FAM117B: variants seen among roughly 807,000 people sequenced by gnomAD.
The protein encoded by FAM117B is family with sequence similarity 117 member B.
A neutral mutation model predicts 52.8 loss-of-function variants in FAM117B; 22 were observed. The observed-to-expected ratio is 0.42, with a 90% confidence interval of 0.30 to 0.59. The LOEUF (loss-of-function observed/expected upper bound fraction) is 0.59, where lower values mean the gene tolerates loss of function less well. Ranked by LOEUF, FAM117B falls within the 20% of genes least tolerant of loss-of-function variation. FAM117B has a pLI of 0.22. For missense variants in FAM117B, 678 were observed against 802.6 expected (o/e 0.84, Z 1.88); for synonymous variants, 309 against 324.1 (o/e 0.95, Z 0.50).
At position 202,755,605 on chromosome 2, in the gene FAM117B, G is replaced by A. The variant is rs774669794; in HGVS notation, c.1028G>A (p.Arg343Gln). The A allele has an allele frequency of 3.7e-6, 6 of 1,614,018 alleles. No individual in the cohort carries two copies. The highest frequency in any genetic ancestry group is 4.2e-6 in the Non-Finnish European group (5 of 1,179,964). Residue 343 changes from arginine (R) to glutamine (Q), a missense_variant, in exon 5 of 8, where the codon CGG becomes CAG. By Grantham distance (43) the Arg-to-Gln change is conservative. Transcript: ENST00000392238. ...ACCAAATCAACAGGCTCCCGGTTCC[G>A]GAATAGCGTGGAAGGATTGAATCAG... ...PITKSTGSRF[R>Q]NSVEGLNQEI...
intron 1 of FAM117B, among the ~76,000 whole-genome samples, chr2:202,640,018 C>T (rs1204635412): frequency 6.6e-6 from 1 of 151,588 alleles, no homozygotes; most frequent in African/African-American, 2.4e-5. Context: ...ACCTGTAATC[C>T]CAGCATTTTG....
At chr2:202,671,566 C>T (rs1341009794) in intron 1 of FAM117B, among the ~76,000 whole-genome samples, 1 of 152,182 alleles carries the variant, frequency 6.6e-6, no homozygotes, top group Non-Finnish European at 1.5e-5. Flanking sequence ...GTCTGGAGAA[C>T]TGTTCATAGA....
At chr2:202,762,241 G>T (rs1424923536) in intron 7 of FAM117B, among the ~76,000 whole-genome samples, 4 of 152,094 alleles carry the variant, frequency 2.6e-5, no homozygotes, top group Non-Finnish European at 4.4e-5. Flanking sequence ...TGAACTGGGG[G>T]GTCGGGATGG....
chr2:202,750,645 C>T (rs1691707594), intron 4 of FAM117B, among the ~76,000 whole-genome samples: 1 of 152,172 alleles, frequency 6.6e-6, no homozygotes, highest in Non-Finnish European at 1.5e-5. Flanking sequence ...CCTTGTTGAA[C>T]AAGCATCTTA....
At chr2:202,724,475 C>A (rs773122286) in intron 2 of FAM117B, among the ~76,000 whole-genome samples, 4 of 152,158 alleles carry the variant, frequency 2.6e-5, no homozygotes, top group Non-Finnish European at 5.9e-5. Context: ...CCTTAGGCAA[C>A]TTACATGTGT....
rs1481718384 is a variant in FAM117B at position 202,767,775 on chromosome 2, A to C, written c.*2011A>C. ...CCTGTTGAGTTTAAATTCGAGATGC[A>C]TTTAGGTAAATTGGATAAATTCAAC... On this transcript the variant is annotated 3_prime_UTR_variant, in exon 8 of 8. Transcript: ENST00000392238. 1 of 152,208 alleles carries C rather than the reference A, an allele frequency of 6.6e-6. No homozygotes were observed. The highest frequency in any genetic ancestry group is 1.5e-5 in the Non-Finnish European group (1 of 68,036). 9.4% of individuals were successfully genotyped at this position (152,208 alleles called of 1,614,324 possible).
At chr2:202,708,468 T>A (rs972739721) in intron 2 of FAM117B, among the ~76,000 whole-genome samples, 8 of 152,338 alleles carry the variant, frequency 5.3e-5, no homozygotes, top group Admixed American at 3.3e-4. Flanking sequence ...TCTTTATCCA[T>A]TCATCTGCCA....
At position 202,636,652 on chromosome 2, in the gene FAM117B, C is replaced by G. The variant is rs1341110160; in HGVS notation, c.601+864C>G. On this transcript the variant is annotated intron_variant, in intron 1 of 7. Transcript: ENST00000392238. ...AGTGGAAAGGAATAAAATTTATAAT[C>G]TTGTTGCCTTAAGGAAAGAAATGGG... Among the ~76,000 whole-genome samples the G allele has an allele frequency of 2.0e-5, 3 of 152,160 alleles. No homozygotes were observed. The South Asian group carries it at 6.2e-4, about 32-fold the overall frequency.
intron 1 of FAM117B, among the ~76,000 whole-genome samples, chr2:202,678,396 A>G (rs566094956): frequency 6.6e-6 from 1 of 152,318 alleles, no homozygotes; most frequent in Admixed American, 6.5e-5. Context: ...TGTCATTCAC[A>G]TAGCCCGTGA....
At chr2:202,749,705 G>A (rs2105797020) in intron 4 of FAM117B, among the ~76,000 whole-genome samples, 1 of 152,036 alleles carries the variant, frequency 6.6e-6, no homozygotes, top group East Asian at 1.9e-4. Flanking sequence ...AGGCTGGGAG[G>A]ATCACTTGAG....
At chr2:202,763,366 C>T (rs1691928531) in intron 7 of FAM117B, among the ~76,000 whole-genome samples, 1 of 152,148 alleles carries the variant, frequency 6.6e-6, no homozygotes, top group Non-Finnish European at 1.5e-5. Context: ...GCCACTGCGC[C>T]TGGCCTTCTT....
intron 4 of FAM117B, among the ~76,000 whole-genome samples, chr2:202,745,184 G>T (rs1217912439): frequency 6.7e-6 from 1 of 150,334 alleles, no homozygotes; most frequent in Admixed American, 6.6e-5. Flanking sequence ...GGTGGCTGAG[G>T]CATGAGAATC....
rs150133401 is a variant in FAM117B at position 202,657,055 on chromosome 2, ATTG to A, written c.601+21271_601+21273del. Reference sequence around the variant, plus strand: ...TAAAGGGATGTCTTATAGACAGCGTATTGTTGGCTCTTGTGTTTTTAATTTTAA... The same window carrying A: ...TAAAGGGATGTCTTATAGACAGCGTATTGGCTCTTGTGTTTTTAATTTTAA... On this transcript the variant is annotated intron_variant, in intron 1 of 7. Transcript: ENST00000392238. 8.5e-3 allele frequency among the ~76,000 whole-genome samples: 1,298 copies of A among 152,196 alleles called. 24 individuals are homozygous for A. Among genetic ancestry groups the A allele is most frequent in the African/African-American group, 0.03 (1,227 of 41,554 alleles).
chr2:202,734,926 A>AT (rs1041110392), intron 4 of FAM117B, among the ~76,000 whole-genome samples: 18 of 152,176 alleles, frequency 1.2e-4, no homozygotes, highest in Middle Eastern at 3.2e-3. Flanking sequence ...TCTCTAAAGA[A>AT]TTTTTTTAAT....
At chr2:202,734,738 T>G (rs1437974228) in intron 4 of FAM117B, among the ~76,000 whole-genome samples, 1 of 152,226 alleles carries the variant, frequency 6.6e-6, no homozygotes, top group Non-Finnish European at 1.5e-5. Flanking sequence ...TCTAAGTACA[T>G]AGTAATTTCT....
intron 1 of FAM117B, among the ~76,000 whole-genome samples, chr2:202,646,120 G>A (rs1191534407): frequency 2.6e-5 from 4 of 150,952 alleles, no homozygotes; most frequent in African/African-American, 9.7e-5. Context: ...TTCGCCTCCC[G>A]GGTTCAAGCA....
chr2:202,645,351 A>G (rs910707434), intron 1 of FAM117B, among the ~76,000 whole-genome samples: 19 of 150,690 alleles, frequency 1.3e-4, no homozygotes, highest in Admixed American at 6.6e-4. Context: ...TGCAGTGGCG[A>G]GATCTCGGCT....
intron 1 of FAM117B, among the ~76,000 whole-genome samples, chr2:202,644,084 T>TTTC (rs1689822018): frequency 1.6e-5 from 2 of 121,786 alleles, no homozygotes; most frequent in African/African-American, 5.8e-5. Context: ...TTTTTTTTTT[T>TTTC]CAGTTTTATG....
chr2:202,709,243 C>T (rs1228370004), intron 2 of FAM117B, among the ~76,000 whole-genome samples: 1 of 151,518 alleles, frequency 6.6e-6, no homozygotes. Flanking sequence ...GCACTTGTTG[C>T]CCAGGCTGGA....
Sources: allele counts gnomAD v4.1 joint callset (sites outside exome capture counted in the v4.1 genomes callset), GRCh38; gene constraint gnomAD v4.1.1; transcripts MANE v1.5; gene names NCBI Gene and HGNC (gene_info 2026-07-23, HGNC 2026-07-21).